VWA3B: variants seen among roughly 807,000 people sequenced by gnomAD.
VWA3B encodes the protein von Willebrand factor A domain-containing protein 3B.
In VWA3B, 138 loss-of-function variants were observed where a neutral mutation model predicts 158.3. The ratio of observed to expected loss-of-function variants is 0.87; its 90% confidence interval spans 0.76 to 1.00. The LOEUF is 1.00. VWA3B is among the 50% of genes least tolerant of loss of function. The pLI is 0.00. For missense variants in VWA3B, 1,555 were observed against 1,565.1 expected (o/e 0.99, Z 0.11); for synonymous variants, 596 against 587.3 (o/e 1.01, Z -0.21).
chr2:98,204,934 A>T (rs1682888439), intron 12 of VWA3B, among the ~76,000 whole-genome samples: 1 of 152,198 alleles, frequency 6.6e-6, no homozygotes, highest in Non-Finnish European at 1.5e-5. Flanking sequence ...AACATGGGAA[A>T]ACCCCGTCTC....
chr2:98,256,262 G>C, intron 21 of VWA3B, 88 bp downstream of exon 21: 1 of 1,410,262 alleles, frequency 7.1e-7, no homozygotes, highest in East Asian at 2.3e-5. Context: ...ACAATGCAGA[G>C]GTATTTAAAA....
chr2:98,197,600 T>G (rs865970556), intron 12 of VWA3B, among the ~76,000 whole-genome samples: 1 of 152,202 alleles, frequency 6.6e-6, no homozygotes, highest in Non-Finnish European at 1.5e-5. Context: ...TTTCCCCCTT[T>G]TACTTATTCA....
intron 21 of VWA3B, among the ~76,000 whole-genome samples, chr2:98,268,267 T>C (rs1380617291): frequency 2.0e-5 from 3 of 152,004 alleles, no homozygotes; most frequent in Non-Finnish European, 4.4e-5. Context: ...ATATCCTTGA[T>C]GAACATTGAT....
At chr2:98,225,837 C>A (rs1046792386) in intron 14 of VWA3B, among the ~76,000 whole-genome samples, 2 of 152,074 alleles carry the variant, frequency 1.3e-5, no homozygotes, top group South Asian at 2.1e-4. Context: ...ATACCACTTA[C>A]AATTGAGTTT....
At chr2:98,227,551 G>C (rs548190149) in intron 14 of VWA3B, among the ~76,000 whole-genome samples, 1 of 152,324 alleles carries the variant, frequency 6.6e-6, no homozygotes, top group Admixed American at 6.5e-5. Flanking sequence ...ATAGAATACA[G>C]CTCAGCAATA....
intron 6 of VWA3B, among the ~76,000 whole-genome samples, chr2:98,129,224 A>AGAGAGG (rs1370543551): frequency 1.6e-5 from 2 of 124,562 alleles, no homozygotes; most frequent in Admixed American, 7.8e-5. Context: ...AGAGAGAGAG[A>AGAGAGG]GTGTGTGTGT....
chr2:98,102,518 C>T (rs377604869), intron 2 of VWA3B, among the ~76,000 whole-genome samples: 26 of 152,064 alleles, frequency 1.7e-4, no homozygotes, highest in South Asian at 1.0e-3. Context: ...ACTTCCCAGA[C>T]GGGGTGGCGG....
At chr2:98,202,821 G>GTTTA (rs374333108) in intron 12 of VWA3B, among the ~76,000 whole-genome samples, 7,258 of 151,576 alleles carry the variant, frequency 0.048, 227 homozygotes, top group Middle Eastern at 0.075. Flanking sequence ...CTAGGTTGAG[G>GTTTA]TTTATTTATT....
At chr2:98,131,072 T>G (rs1232927182) in intron 6 of VWA3B, among the ~76,000 whole-genome samples, 1 of 152,196 alleles carries the variant, frequency 6.6e-6, no homozygotes, top group Non-Finnish European at 1.5e-5. Context: ...TCACTGTACG[T>G]TTGTACCCAT....
intron 7 of VWA3B, among the ~76,000 whole-genome samples, chr2:98,140,920 GT>G (rs757405901): frequency 1.3e-5 from 2 of 152,178 alleles, no homozygotes; most frequent in Non-Finnish European, 2.9e-5. Flanking sequence ...TGGGGTCTCA[GT>G]TTCCCCTGTC....
chr2:98,226,496 G>A (rs1393149374), intron 14 of VWA3B, among the ~76,000 whole-genome samples: 1 of 152,146 alleles, frequency 6.6e-6, no homozygotes, highest in Non-Finnish European at 1.5e-5. Flanking sequence ...AAAAATTATG[G>A]GGATGTTGGG....
chr2:98,122,255 C>T (rs1675027174), intron 5 of VWA3B, among the ~76,000 whole-genome samples: 1 of 152,122 alleles, frequency 6.6e-6, no homozygotes, highest in East Asian at 1.9e-4. Flanking sequence ...GTGGGAAGGT[C>T]TGCTTGCCTT....
chr2:98,134,153 G>A (rs565772315), intron 7 of VWA3B, among the ~76,000 whole-genome samples: 31 of 152,354 alleles, frequency 2.0e-4, no homozygotes, highest in African/African-American at 6.5e-4. Context: ...TGGCCTAAGC[G>A]ATGTGTGTTT....
intron 19 of VWA3B, among the ~76,000 whole-genome samples, chr2:98,249,554 A>G (rs1245654988): frequency 5.3e-5 from 8 of 152,214 alleles, no homozygotes; most frequent in Non-Finnish European, 1.0e-4. Flanking sequence ...GGTCCCCCCA[A>G]AATTGGGGAA....
intron 7 of VWA3B, among the ~76,000 whole-genome samples, chr2:98,154,711 C>T (rs1677914900): frequency 6.6e-6 from 1 of 152,218 alleles, no homozygotes; most frequent in Non-Finnish European, 1.5e-5. Context: ...TCCTGCATCA[C>T]CTAACACACG....
chr2:98,176,855 G>A (rs959510019), intron 8 of VWA3B, among the ~76,000 whole-genome samples: 1 of 152,188 alleles, frequency 6.6e-6, no homozygotes, highest in Non-Finnish European at 1.5e-5. Flanking sequence ...AGAAGCCACT[G>A]ACATGCAGTG....
chr2:98,089,409 T>A (rs1201760670), intron 1 of VWA3B, among the ~76,000 whole-genome samples: 1 of 152,038 alleles, frequency 6.6e-6, no homozygotes, highest in African/African-American at 2.4e-5. Context: ...TCGGGGAGGC[T>A]TAATGGCAGA....
At chr2:98,139,839 CCCCCTCAGGT>C (rs1676616486) in intron 7 of VWA3B, among the ~76,000 whole-genome samples, 1 of 152,084 alleles carries the variant, frequency 6.6e-6, no homozygotes, top group Non-Finnish European at 1.5e-5. Flanking sequence ...GCAGTGGTAA[CCCCCTCAGGT>C]CCCCTCAGGC....
At chr2:98,126,024 A>G (rs368395891) in intron 5 of VWA3B, among the ~76,000 whole-genome samples, 1 of 152,290 alleles carries the variant, frequency 6.6e-6, no homozygotes, top group East Asian at 1.9e-4. Context: ...AAGACCGTGT[A>G]CAGGAGAGTG....
Sources: allele counts gnomAD v4.1 joint callset (sites outside exome capture counted in the v4.1 genomes callset), GRCh38; gene constraint gnomAD v4.1.1; transcripts MANE v1.5; gene names NCBI Gene and HGNC (gene_info 2026-07-23, HGNC 2026-07-21).